CCDC134: variants seen among roughly 807,000 people sequenced by gnomAD.
CCDC134 encodes the protein coiled-coil domain-containing protein 134.
In CCDC134, 27 loss-of-function variants were observed where a neutral mutation model predicts 25.6. The observed-to-expected ratio is 1.05, with a 90% CI of 0.78 to 1.45. The LOEUF (loss-of-function observed/expected upper bound fraction) is 1.45. Ranked by LOEUF, CCDC134 falls within the 40% of genes most tolerant of loss-of-function variation. The pLI, the probability that CCDC134 is intolerant of heterozygous loss-of-function variation, is 0.00. For missense variants in CCDC134, 261 were observed against 286.7 expected (o/e 0.91, Z 0.65); for synonymous variants, 110 against 115.0 (o/e 0.96, Z 0.28).
chr22:41,825,630 G>A lies in CCDC134; in HGVS notation c.565-68G>A. 6.3e-7 allele frequency: 1 copy of A among 1,592,280 alleles called. No homozygotes were observed. The highest frequency in any genetic ancestry group is 8.6e-7 in the Non-Finnish European group (1 of 1,167,144). The stretch of plus-strand genomic sequence containing the variant: ...ACCTTCCTATTCCCACACCCCGCTG[G>A]TGGCCTAGCTCAGAGCAGGCTCTTT... On this transcript the variant is annotated intron_variant, in intron 6 of 6. Coordinates refer to ENST00000255784, the MANE Select transcript of CCDC134 (RefSeq NM_024821.5). The surrounding 1 kb of genome is among the most constrained non-coding windows in gnomAD (Gnocchi z 4.4).
At chr22:41,821,195 T>C (rs2076650219) in intron 6 of CCDC134, among the ~76,000 whole-genome samples, 1 of 151,986 alleles carries the variant, frequency 6.6e-6, no homozygotes. Flanking sequence ...AGGCCGCTGG[T>C]GGTCTTGATA....
At chr22:41,817,916 T>C (rs1306334362) in intron 6 of CCDC134, among the ~76,000 whole-genome samples, 2 of 152,116 alleles carry the variant, frequency 1.3e-5, no homozygotes, top group Non-Finnish European at 2.9e-5. Context: ...TTCAGGCCAT[T>C]GTCTGACTGG....
chr22:41,823,220 A>ATT (rs34103607), intron 6 of CCDC134, among the ~76,000 whole-genome samples: 14,006 of 127,272 alleles, frequency 0.11, 979 homozygotes, highest in South Asian at 0.16. Flanking sequence ...CATTACCAGA[A>ATT]TTTTTTTTTT....
At position 41,828,093 on chromosome 22, in the gene CCDC134, T is replaced by C. The variant is rs1248003372; in HGVS notation, c.*2270T>C. ...GAGGTTCTTTCTACTGAATAACTTCTACGGGCTCTGTCATTAGCAGGATTT... is the reference window on the plus strand; with the variant it reads ...GAGGTTCTTTCTACTGAATAACTTCCACGGGCTCTGTCATTAGCAGGATTT... On this transcript the variant is annotated 3_prime_UTR_variant, in exon 7 of 7. Coordinates refer to ENST00000255784, the MANE Select transcript of CCDC134 (RefSeq NM_024821.5). 1.3e-5 allele frequency among the ~76,000 whole-genome samples: 2 copies of C among 152,216 alleles called. No homozygotes were observed. The highest frequency in any genetic ancestry group is 2.9e-5 in the Non-Finnish European group (2 of 68,036).
In CCDC134 at chr22:41,819,742, C is replaced by G. The variant is rs548306586; in HGVS notation, c.564+5920C>G. Among the ~76,000 whole-genome samples the G allele has an allele frequency of 9.6e-4, 146 of 151,822 alleles. 1 individual carries two copies. The highest frequency in any genetic ancestry group is 1.8e-3 in the Non-Finnish European group (124 of 67,974). On this transcript the variant is annotated intron_variant, in intron 6 of 6. Coordinates refer to ENST00000255784, the MANE Select transcript of CCDC134 (RefSeq NM_024821.5). ...CCTGGGTACTGTCTTACTGAATTAT[C>G]TGAAGGAGATGAGGAGTCATCTGTG... is the stretch of plus-strand genomic sequence containing the variant.
chr22:41,821,443 C>T (rs1602244989), intron 6 of CCDC134, among the ~76,000 whole-genome samples: 1 of 151,526 alleles, frequency 6.6e-6, no homozygotes, highest in African/African-American at 2.4e-5. Flanking sequence ...TAGCATTAGG[C>T]ATATCTCCTA....
rs534429422 is a variant in CCDC134, at chr22:41,826,012, C to T, written c.*189C>T. The T allele has an allele frequency of 2.9e-6, 2 of 691,374 alleles. No individual in the cohort carries two copies. The highest frequency in any genetic ancestry group is 4.8e-6 in the Non-Finnish European group (2 of 412,798). 42.8% of individuals were successfully genotyped at this position (691,374 alleles called of 1,614,324 possible). The stretch of plus-strand genomic sequence containing the variant: ...TGAGCCTCAGATGGCTGGATTTTCT[C>T]TCAGGGGCCTCCTGCTGAAGGGGCC... On this transcript the variant is annotated 3_prime_UTR_variant, in exon 7 of 7. Coordinates refer to ENST00000255784, the MANE Select transcript of CCDC134 (RefSeq NM_024821.5).
intron 1 of CCDC134, among the ~76,000 whole-genome samples, chr22:41,808,337 G>C (rs948956523): frequency 6.6e-6 from 1 of 151,854 alleles, no homozygotes; most frequent in Non-Finnish European, 1.5e-5. Context: ...GATGACAAAA[G>C]TCAAGGAAGG....
chr22:41,801,283 T>C (rs993651379), intron 1 of CCDC134, among the ~76,000 whole-genome samples: 4 of 152,076 alleles, frequency 2.6e-5, no homozygotes, highest in East Asian at 3.9e-4. Flanking sequence ...ATTCCTTCTC[T>C]AGGTTTCACT....
intron 1 of CCDC134, among the ~76,000 whole-genome samples, chr22:41,804,786 C>T (rs2076560212): frequency 6.6e-6 from 1 of 152,206 alleles, no homozygotes; most frequent in Non-Finnish European, 1.5e-5. Flanking sequence ...TAAGAGAGAA[C>T]AGGCTGGGCA....
intron 6 of CCDC134, among the ~76,000 whole-genome samples, chr22:41,820,147 C>T (rs2076643938): frequency 6.8e-6 from 1 of 146,474 alleles, no homozygotes; most frequent in African/African-American, 2.5e-5. Context: ...AGGCACCCAC[C>T]ACCACGCCCG....
chr22:41,810,032 G>C (rs1011422851), intron 3 of CCDC134, 32 bp downstream of exon 3: 3 of 1,612,850 alleles, frequency 1.9e-6, no homozygotes, highest in Non-Finnish European at 2.5e-6. Context: ...CTCATGGCAG[G>C]TCCAGTCTTT....
chr22:41,830,974 C>T lies in CCDC134; in HGVS notation c.*5151C>T, dbSNP rs930011542. On this transcript the variant is annotated 3_prime_UTR_variant, in exon 7 of 7. Transcript: ENST00000255784. ...GATCTCTGCTCACCGTAACTTCTGC[C>T]TCCCGGGTTCAAGCAAGTCTCCTGC... 4.0e-5 allele frequency among the ~76,000 whole-genome samples: 6 copies of T among 150,678 alleles called. No homozygotes were observed. The highest frequency in any genetic ancestry group is 5.9e-5 in the Non-Finnish European group (4 of 67,932).
chr22:41,821,604 A>G (rs2076652215), intron 6 of CCDC134, among the ~76,000 whole-genome samples: 1 of 152,104 alleles, frequency 6.6e-6, no homozygotes, highest in South Asian at 2.1e-4. Flanking sequence ...CTGGAGGACA[A>G]TGTGGTTTCC....
Position 41,825,611 on chromosome 22 carries a change from C to T in CCDC134, c.565-87C>T. 1.3e-6 allele frequency: 2 copies of T among 1,553,442 alleles called. No individual in the cohort carries two copies. The highest frequency in any genetic ancestry group is 1.8e-6 in the Non-Finnish European group (2 of 1,140,194). ...CAGGGCCTGTGTCCAGGGAACCTTC[C>T]TATTCCCACACCCCGCTGGTGGCCT... On this transcript the variant is annotated intron_variant, in intron 6 of 6. Transcript: ENST00000255784. This position sits in a 1 kb window ranked among gnomAD's most constrained non-coding sequence, Gnocchi z 4.4.
chr22:41,815,181 T>A (rs1378518894), intron 6 of CCDC134, among the ~76,000 whole-genome samples: 1 of 151,212 alleles, frequency 6.6e-6, no homozygotes, highest in Non-Finnish European at 1.5e-5. Context: ...TGGCTTGGTT[T>A]AACTCAAATT....
intron 4 of CCDC134, among the ~76,000 whole-genome samples, chr22:41,810,853 TA>T (rs1289223514): frequency 1.3e-5 from 2 of 152,152 alleles, no homozygotes; most frequent in African/African-American, 4.8e-5. Flanking sequence ...TATTAAATAG[TA>T]GATACTTTAC....
chr22:41,810,489 C>CTTTTTTTTTTTTT (rs960666358), intron 4 of CCDC134, among the ~76,000 whole-genome samples, 198 bp downstream of exon 4: 1 of 86,634 alleles, frequency 1.2e-5, no homozygotes, highest in African/African-American at 5.0e-5. Context: ...AATAGCATTT[C>CTTTTTTTTTTTTT]TTTTTTTTTT....
chr22:41,824,257 G>A (rs1200548206), intron 6 of CCDC134, among the ~76,000 whole-genome samples: 1 of 152,198 alleles, frequency 6.6e-6, no homozygotes, highest in Non-Finnish European at 1.5e-5. Context: ...AGGGGTGGGT[G>A]TTGGAAAGAG....
Sources: gnomAD v4.1 joint callset for allele counts (sites outside exome capture counted in the v4.1 genomes callset) on GRCh38, gnomAD v4.1.1 for gene constraint, Gnocchi (gnomAD v3.1) non-coding constraint, MANE v1.5 for transcripts, NCBI Gene and HGNC (gene_info 2026-07-23, HGNC 2026-07-21) for gene names.